Variants in ADGRG6 observed in about 807,000 individuals in gnomAD.
ADGRG6 encodes G-protein coupled receptor 126.
ADGRG6 carries 84 observed loss-of-function variants against 142.4 expected under a neutral mutation model. The observed-to-expected ratio is 0.59, with a 90% CI of 0.49 to 0.71. The LOEUF is 0.71. Ranked by LOEUF, ADGRG6 falls within the 30% of genes least tolerant of loss-of-function variation. The probability of loss-of-function intolerance (pLI) is 0.00; values close to 1 mark genes in which losing one functional copy is unlikely to be tolerated. For synonymous variants in ADGRG6, 521 were observed against 520.5 expected (o/e 1.00, Z -0.01); for missense variants, 1,367 against 1,466.6 (o/e 0.93, Z 1.11).
At chr6:142,305,429 T>TAC (rs5880531) in intron 1 of ADGRG6, among the ~76,000 whole-genome samples, 12,944 of 120,474 alleles carry the variant, frequency 0.11, 752 homozygotes, top group Middle Eastern at 0.12. Flanking sequence ...GCCCCTCCTG[T>TAC]ACACACACAC....
At chr6:142,332,936 A>AT (rs1303291726) in intron 2 of ADGRG6, among the ~76,000 whole-genome samples, 2 of 152,184 alleles carry the variant, frequency 1.3e-5, no homozygotes, top group Non-Finnish European at 2.9e-5. Context: ...TTTAGTTATC[A>AT]TCCTAGCCTA....
At chr6:142,330,050 G>A (rs932803765) in intron 2 of ADGRG6, among the ~76,000 whole-genome samples, 3 of 151,904 alleles carry the variant, frequency 2.0e-5, no homozygotes, top group Middle Eastern at 3.4e-3. Flanking sequence ...TTTTTCATTT[G>A]CCACTGCAAT....
At chr6:142,359,124 T>C (rs1780593747) in intron 2 of ADGRG6, among the ~76,000 whole-genome samples, 1 of 150,534 alleles carries the variant, frequency 6.6e-6, no homozygotes, top group Non-Finnish European at 1.5e-5. Flanking sequence ...GGAGGACTGC[T>C]TGAGCCCAGG....
chr6:142,306,441 C>T (rs186374771), intron 1 of ADGRG6, among the ~76,000 whole-genome samples: 82 of 152,220 alleles, frequency 5.4e-4, no homozygotes, highest in Non-Finnish European at 7.9e-4. Flanking sequence ...TCAAAAAGGA[C>T]GCTAGGTTGG....
chr6:142,429,136 G>A (rs566079322), intron 22 of ADGRG6, among the ~76,000 whole-genome samples: 1 of 152,096 alleles, frequency 6.6e-6, no homozygotes, highest in Non-Finnish European at 1.5e-5. Flanking sequence ...AATGAGTAGA[G>A]GATAGTTTAA....
intron 2 of ADGRG6, among the ~76,000 whole-genome samples, chr6:142,331,893 T>C (rs1779081900): frequency 6.6e-6 from 1 of 152,196 alleles, no homozygotes; most frequent in Non-Finnish European, 1.5e-5. Context: ...GGCCATCTTT[T>C]AGTGAGATGC....
At chr6:142,376,818 A>G (rs950590901) in intron 4 of ADGRG6, among the ~76,000 whole-genome samples, 1 of 152,226 alleles carries the variant, frequency 6.6e-6, no homozygotes, top group Non-Finnish European at 1.5e-5. Context: ...AGCAACTGCA[A>G]AGAAAAAAAT....
At chr6:142,426,224 G>T (rs149269282) in intron 22 of ADGRG6, among the ~76,000 whole-genome samples, 1,805 of 152,262 alleles carry the variant, frequency 0.012, 41 homozygotes, top group African/African-American at 0.041. Flanking sequence ...CCTTCCACCT[G>T]TGAGCCTGTA....
chr6:142,409,791 C>A (rs1168449553), intron 16 of ADGRG6, 83 bp from the exon 17 acceptor site: 2 of 617,310 alleles, frequency 3.2e-6, no homozygotes, highest in Non-Finnish European at 5.7e-6. Context: ...TTTGTGAAAC[C>A]CTTCGTGTTT....
chr6:142,369,610 A>G (rs1302223537), intron 3 of ADGRG6, among the ~76,000 whole-genome samples: 2 of 152,188 alleles, frequency 1.3e-5, no homozygotes, highest in African/African-American at 4.8e-5. Flanking sequence ...CCCTCTCCTT[A>G]ATAGAATTAT....
rs1777965876 is a variant in ADGRG6 at position 142,446,250 on chromosome 6, T to C, written c.*2735T>C. The C allele has an allele frequency of 6.6e-6, 1 of 152,658 alleles. No individual in the cohort carries two copies. The highest frequency in any genetic ancestry group is 2.4e-5 in the African/African-American group (1 of 41,478). The allele number at this position is 152,658 out of a possible 1,614,324, so 9.5% of individuals were successfully genotyped here. A position where few individuals can be genotyped will look rare whatever the true frequency, so the allele number is the denominator to read the frequency against. The stretch of plus-strand genomic sequence containing the variant: ...TTCAAATAAATACTTATGTTGTTCA[T>C]GTTCCAAGTTATTCAATTCCTTTAT... On this transcript the variant is annotated 3_prime_UTR_variant, in exon 25 of 25. Coordinates refer to ENST00000367609, the MANE Select transcript of ADGRG6 (RefSeq NM_198569.3).
intron 22 of ADGRG6, among the ~76,000 whole-genome samples, chr6:142,428,226 TTA>T (rs1207457112): frequency 1.3e-5 from 2 of 152,110 alleles, no homozygotes; most frequent in East Asian, 3.8e-4. Flanking sequence ...TGCTTTATTT[TTA>T]TTTTTTATTT....
intron 18 of ADGRG6, among the ~76,000 whole-genome samples, chr6:142,414,072 T>C (rs1562377657): frequency 1.3e-5 from 2 of 152,114 alleles, no homozygotes; most frequent in East Asian, 3.9e-4. Context: ...AGATATTCAA[T>C]ACATCCCTTC....
chr6:142,359,015 G>C (rs1780585939), intron 2 of ADGRG6, among the ~76,000 whole-genome samples: 2 of 150,650 alleles, frequency 1.3e-5, no homozygotes, highest in Admixed American at 6.6e-5. Context: ...AGAGCACCCT[G>C]GGCAACATTA....
intron 2 of ADGRG6, among the ~76,000 whole-genome samples, chr6:142,318,163 TA>T (rs1392982563): frequency 5.8e-5 from 3 of 51,864 alleles, no homozygotes; most frequent in African/African-American, 1.9e-4. Context: ...ATATTATATA[TA>T]TTATATATTT....
chr6:142,322,519 A>C (rs999033396), intron 2 of ADGRG6, among the ~76,000 whole-genome samples: 1 of 152,040 alleles, frequency 6.6e-6, no homozygotes, highest in Non-Finnish European at 1.5e-5. Context: ...ACATACATTC[A>C]AAAGTTTGGG....
Position 142,438,351 on chromosome 6 carries a change from G to C in ADGRG6, c.3561G>C (p.Arg1187Ser), listed in dbSNP as rs1185900307. 4 of 1,606,614 alleles carry C rather than the reference G, an allele frequency of 2.5e-6. No individual in the cohort carries two copies. Among genetic ancestry groups the C allele is most frequent in the Non-Finnish European group, 3.4e-6 (4 of 1,176,654 alleles). The change falls in exon 24 of 25, where the codon AGG (arginine) becomes AGC (serine). Residue 1187 changes from arginine to serine, a missense_variant. Arg to Ser is a moderately radical substitution (Grantham distance 110). Transcript: ENST00000367609. The part of the protein sequence containing the change: ...SKSSSTTYFK[R>S]NSHTDSASMD... The stretch of plus-strand genomic sequence containing the variant: ...CCAGCTCTACCACCTATTTCAAAAG[G>C]AATAGCCACACAGGTGAGTCTAAAG...
At chr6:142,371,964 AT>A (rs962176197) in intron 4 of ADGRG6, among the ~76,000 whole-genome samples, 1 of 152,104 alleles carries the variant, frequency 6.6e-6, no homozygotes, top group Non-Finnish European at 1.5e-5. Flanking sequence ...GGAATTATCC[AT>A]TTTTTTCTTT....
intron 6 of ADGRG6, among the ~76,000 whole-genome samples, chr6:142,385,569 A>G (rs1455502622): frequency 6.6e-6 from 1 of 152,172 alleles, no homozygotes; most frequent in Non-Finnish European, 1.5e-5. Context: ...CACAATTGTA[A>G]AGTGAAACCA....
Sources: allele counts gnomAD v4.1 joint callset (sites outside exome capture counted in the v4.1 genomes callset), GRCh38; gene constraint gnomAD v4.1.1; transcripts MANE v1.5; gene names NCBI Gene and HGNC (gene_info 2026-07-23, HGNC 2026-07-21).